The following SPECC1 variants were observed in gnomAD, a reference collection of about 807,000 sequenced individuals.
The protein encoded by SPECC1 is sperm antigen with calponin homology and coiled-coil domains 1.
A neutral mutation model predicts 104.1 loss-of-function variants in SPECC1; 62 were observed. The ratio of observed to expected loss-of-function variants is 0.60; its 90% CI spans 0.49 to 0.74. The LOEUF (loss-of-function observed/expected upper bound fraction) is 0.74. Among genes scored for constraint, SPECC1 ranks in the 30% least tolerant of loss-of-function variants. The pLI is 0.00. For synonymous variants in SPECC1, 513 were observed against 501.6 expected (o/e 1.02, Z -0.30); for missense variants, 1,306 against 1,310.5 (o/e 1.00, Z 0.05).
At chr17:20,170,554 G>A (rs952226326) in intron 3 of SPECC1, among the ~76,000 whole-genome samples, 1 of 152,060 alleles carries the variant, frequency 6.6e-6, no homozygotes, top group Non-Finnish European at 1.5e-5. Context: ...CTGGGACCTT[G>A]CCCACCCTAC....
At chr17:20,136,296 C>T (rs760219973) in intron 3 of SPECC1, among the ~76,000 whole-genome samples, 8 of 151,924 alleles carry the variant, frequency 5.3e-5, no homozygotes, top group Non-Finnish European at 1.0e-4. Context: ...TAGTGGCGCA[C>T]GTCTGTTAAT....
At chr17:20,188,255 C>A (rs372426354) in intron 3 of SPECC1, among the ~76,000 whole-genome samples, 1,253 of 74,208 alleles carry the variant, frequency 0.017, 20 homozygotes, top group African/African-American at 0.13. Context: ...CAAAAGACAT[C>A]CTTTTTTTTT....
chr17:20,190,851 G>A (rs187352032), intron 3 of SPECC1, among the ~76,000 whole-genome samples: 36 of 152,170 alleles, frequency 2.4e-4, no homozygotes, highest in Admixed American at 2.2e-3. Context: ...TAGCTCACCT[G>A]TGCCTGGCTC....
intron 1 of SPECC1, among the ~76,000 whole-genome samples, chr17:20,063,202 G>T (rs1313220843): frequency 6.6e-6 from 1 of 152,052 alleles, no homozygotes. Flanking sequence ...CTATTAGATG[G>T]GTTAAGCATC....
At chr17:20,132,288 T>G (rs1011605453) in intron 3 of SPECC1, among the ~76,000 whole-genome samples, 1 of 152,170 alleles carries the variant, frequency 6.6e-6, no homozygotes, top group Non-Finnish European at 1.5e-5. Context: ...TGAATTCTAT[T>G]TGCTAGTATT....
intron 3 of SPECC1, among the ~76,000 whole-genome samples, chr17:20,139,831 C>T (rs148820609): frequency 0.052 from 7,930 of 152,154 alleles, 288 homozygotes; most frequent in Non-Finnish European, 0.079. Flanking sequence ...CCCATCACCA[C>T]GCCTGGCTAA....
intron 3 of SPECC1, among the ~76,000 whole-genome samples, chr17:20,176,757 T>G (rs892067251): frequency 2.0e-5 from 3 of 152,118 alleles, no homozygotes; most frequent in Admixed American, 1.3e-4. Context: ...CGTCCCTGAT[T>G]GTCTTGCATC....
chr17:20,135,120 C>G (rs1435161473), intron 3 of SPECC1, among the ~76,000 whole-genome samples: 1 of 152,134 alleles, frequency 6.6e-6, no homozygotes, highest in Non-Finnish European at 1.5e-5. Flanking sequence ...GTTGTGTGTT[C>G]TCTTTTCCTG....
At chr17:20,194,846 G>C (rs1240755039) in intron 3 of SPECC1, among the ~76,000 whole-genome samples, 4 of 152,026 alleles carry the variant, frequency 2.6e-5, no homozygotes, top group Admixed American at 2.6e-4. Context: ...TAACTATTTT[G>C]CTGTAAGTTA....
At chr17:20,210,836 C>T (rs1318770062) in intron 4 of SPECC1, among the ~76,000 whole-genome samples, 1 of 152,168 alleles carries the variant, frequency 6.6e-6, no homozygotes, top group African/African-American at 2.4e-5. Flanking sequence ...AGCCATATTC[C>T]CACCCCTCCC....
chr17:20,270,576 AC>A (rs1422759848), intron 12 of SPECC1, among the ~76,000 whole-genome samples: 1 of 150,254 alleles, frequency 6.7e-6, no homozygotes, highest in Non-Finnish European at 1.5e-5. Flanking sequence ...CTATGATCAC[AC>A]CACTGCACTC....
At chr17:20,071,350 T>C (rs948324731) in intron 1 of SPECC1, among the ~76,000 whole-genome samples, 7 of 151,286 alleles carry the variant, frequency 4.6e-5, no homozygotes, top group Non-Finnish European at 1.5e-5. Context: ...TATTTTACTA[T>C]CTGGTAGTAC....
At chr17:20,214,851 T>C (rs1242126051) in intron 4 of SPECC1, among the ~76,000 whole-genome samples, 1 of 152,084 alleles carries the variant, frequency 6.6e-6, no homozygotes, top group African/African-American at 2.4e-5. Context: ...GGAGGCTCAG[T>C]AGGGTCAGGT....
rs541779691 is a variant in SPECC1 at position 20,152,746 on chromosome 17, A to T, written c.283+42184A>T. 8.5e-5 allele frequency among the ~76,000 whole-genome samples: 13 copies of T among 152,180 alleles called. No individual in the cohort carries two copies. In the East Asian group the frequency reaches 2.3e-3, roughly 27 times the overall value. ...GAGTACAATGGTGCGATCTCGGCTC[A>T]CTGCAACCTCTGCCTCCCGGGTTCA... On this transcript the variant is annotated intron_variant, in intron 3 of 14. Transcript: ENST00000395527.
rs1289500536 is a variant in SPECC1 at position 20,050,699 on chromosome 17, A to G, written c.-22+41275A>G. On this transcript the variant is annotated intron_variant, in intron 1 of 14. Coordinates refer to ENST00000395527, the MANE Select transcript of SPECC1 (RefSeq NM_001243439.2). Reference sequence around the variant, plus strand: ...CTACCCTGGCTCCTTGGTAATGTGGAAAATGAATTTTCAGGTAAAATTGTC... The same window carrying G: ...CTACCCTGGCTCCTTGGTAATGTGGGAAATGAATTTTCAGGTAAAATTGTC... Among the ~76,000 whole-genome samples, 3 of 152,198 alleles carry G rather than the reference A, an allele frequency of 2.0e-5. No homozygotes were observed. The East Asian group carries it at 5.8e-4, about 29-fold the overall frequency.
chr17:20,204,475 T>A lies in SPECC1; in HGVS notation c.426T>A (p.Thr142=), dbSNP rs778743497. The part of the protein sequence containing the change: ...VSSPTSSNTP[T]PTKHLRTPST... ...GTCCAACTTCTTCCAACACTCCCAC[T>A]CCTACGAAACACCTGAGGACCCCTT... The change falls in exon 4 of 15, where the codon ACT becomes ACA. Residue 142 remains threonine (T), a synonymous_variant. Transcript: ENST00000395527. 1 of 1,613,848 alleles carries A rather than the reference T, an allele frequency of 6.2e-7. No individual in the cohort carries two copies. Among genetic ancestry groups the A allele is most frequent in the Non-Finnish European group, 8.5e-7 (1 of 1,179,972 alleles).
chr17:20,061,442 T>G (rs2046181341), intron 1 of SPECC1, among the ~76,000 whole-genome samples: 2 of 152,218 alleles, frequency 1.3e-5, no homozygotes, highest in African/African-American at 4.8e-5. Flanking sequence ...CTACATGTCC[T>G]CCATCTGCAG....
intron 9 of SPECC1, among the ~76,000 whole-genome samples, chr17:20,253,057 G>C (rs1016149522): frequency 6.8e-6 from 1 of 147,988 alleles, no homozygotes; most frequent in Non-Finnish European, 1.5e-5. Flanking sequence ...TTTTTTTGAT[G>C]ATGGTCTTCC....
chr17:20,137,643 T>C (rs2030168918), intron 3 of SPECC1, among the ~76,000 whole-genome samples: 1 of 152,206 alleles, frequency 6.6e-6, no homozygotes, highest in Admixed American at 6.5e-5. Context: ...AAAAGGTTTT[T>C]TTAAAATTAA....
Sources: gnomAD v4.1 joint callset for allele counts (sites outside exome capture counted in the v4.1 genomes callset) on GRCh38, gnomAD v4.1.1 for gene constraint, MANE v1.5 for transcripts, NCBI Gene and HGNC (gene_info 2026-07-23, HGNC 2026-07-21) for gene names.